Variants in DLGAP2 observed in about 807,000 individuals in gnomAD.
DLGAP2 encodes DLG associated protein 2.
A neutral mutation model predicts 100.3 loss-of-function variants in DLGAP2; 26 were observed. The ratio of observed to expected loss-of-function variants is 0.26; its 90% CI spans 0.19 to 0.36. DLGAP2 has a LOEUF of 0.36. Among genes scored for constraint, DLGAP2 ranks in the 10% least tolerant of loss-of-function variants. The pLI is 1.00. For synonymous variants in DLGAP2, 886 were observed against 630.1 expected (o/e 1.41, Z -6.08); for missense variants, 1,858 against 1,453.2 (o/e 1.28, Z -4.53).
chr8:1,495,971 A>G (rs73538535), intron 3 of DLGAP2, among the ~76,000 whole-genome samples: 7,023 of 152,150 alleles, frequency 0.046, 522 homozygotes, highest in African/African-American at 0.16. Flanking sequence ...TGGATGAAAC[A>G]AGACTGTGAG....
intron 11 of DLGAP2, among the ~76,000 whole-genome samples, chr8:1,676,892 T>G (rs183216742): frequency 1.6e-4 from 25 of 152,194 alleles, no homozygotes; most frequent in African/African-American, 6.0e-4. Context: ...GAGTCCTTGA[T>G]CCAAAGGAAA....
In DLGAP2 at chr8:1,702,132, C is replaced by T. The variant is rs930486377; in HGVS notation, c.*726C>T. The T allele has an allele frequency of 1.3e-5, 2 of 152,158 alleles. No individual in the cohort carries two copies. Among genetic ancestry groups the T allele is most frequent in the African/African-American group, 2.4e-5 (1 of 41,430 alleles). The allele number at this position is 152,158 out of a possible 1,614,324, so 9.4% of individuals were successfully genotyped here. A position where few individuals can be genotyped will look rare whatever the true frequency, so the allele number is the denominator to read the frequency against. On this transcript the variant is annotated 3_prime_UTR_variant, in exon 15 of 15. Coordinates refer to ENST00000637795, the MANE Select transcript of DLGAP2 (RefSeq NM_001346810.2). Reference sequence around the variant, plus strand: ...TCAAAAGATAAGCTGAGTGTTCCCACCAGGAAGTCACGCGCAGAGAGGAGA... The same window carrying T: ...TCAAAAGATAAGCTGAGTGTTCCCATCAGGAAGTCACGCGCAGAGAGGAGA...
At chr8:1,418,264 T>C (rs1383739112) in intron 3 of DLGAP2, among the ~76,000 whole-genome samples, 5 of 152,234 alleles carry the variant, frequency 3.3e-5, no homozygotes, top group Non-Finnish European at 1.5e-5. Flanking sequence ...GTGTAATAAC[T>C]AAGTCATTTA....
intron 3 of DLGAP2, among the ~76,000 whole-genome samples, chr8:1,262,848 C>A (rs1020753960): frequency 6.6e-6 from 1 of 152,130 alleles, no homozygotes; most frequent in Non-Finnish European, 1.5e-5. Context: ...AACTAGAACA[C>A]AGGAAAATTT....
At chr8:1,008,178 C>T (rs73176526) in intron 2 of DLGAP2, among the ~76,000 whole-genome samples, 6,712 of 152,286 alleles carry the variant, frequency 0.044, 189 homozygotes, top group Middle Eastern at 0.071. Flanking sequence ...CTAGTTGAAA[C>T]ATTCAAGGTC....
Position 972,615 on chromosome 8 carries a change from T to TCTTTTTTTTTTC in DLGAP2, c.73+64652_73+64653insTTTTTTTTCCTT, listed in dbSNP as rs1163848893. Among the ~76,000 whole-genome samples, 23 of 149,756 alleles carry TCTTTTTTTTTTC rather than the reference T, an allele frequency of 1.5e-4. 2 individuals carry two copies. The South Asian group carries it at 4.3e-3, about 28-fold the overall frequency. Reference sequence around the variant, plus strand: ...GAAAATATTTTTTTTTGTATTTTTTTCTTATTTATTTATTTATTTATTTAT... The same window carrying TCTTTTTTTTTTC: ...GAAAATATTTTTTTTTGTATTTTTTTCTTTTTTTTTTCCTTATTTATTTATTTATTTATTTAT... On this transcript the variant is annotated intron_variant, in intron 2 of 14. Coordinates refer to ENST00000637795, the MANE Select transcript of DLGAP2 (RefSeq NM_001346810.2).
chr8:1,518,864 T>A (rs772078281), intron 4 of DLGAP2, among the ~76,000 whole-genome samples: 53 of 152,366 alleles, frequency 3.5e-4, no homozygotes, highest in Non-Finnish European at 6.5e-4. Flanking sequence ...CAGTGGATAC[T>A]GAGCGGCATC....
intron 3 of DLGAP2, among the ~76,000 whole-genome samples, chr8:1,430,033 C>A (rs867435021): frequency 4.0e-5 from 1 of 24,796 alleles, no homozygotes; most frequent in African/African-American, 9.3e-5. Context: ...TATATACACA[C>A]ACACACATAT....
intron 6 of DLGAP2, among the ~76,000 whole-genome samples, chr8:1,593,417 T>C (rs1024435528): frequency 1.3e-5 from 2 of 151,950 alleles, no homozygotes; most frequent in African/African-American, 4.8e-5. Flanking sequence ...ATCGCGCCAC[T>C]GCACTCCAGC....
At chr8:830,094 A>G (rs148695168) in intron 1 of DLGAP2, among the ~76,000 whole-genome samples, 144 of 152,346 alleles carry the variant, frequency 9.5e-4, no homozygotes, top group Admixed American at 5.0e-3. Flanking sequence ...GTTCTAGGCA[A>G]ATGTACCTAT....
chr8:1,009,115 C>G (rs1801205857), intron 2 of DLGAP2, among the ~76,000 whole-genome samples: 1 of 152,228 alleles, frequency 6.6e-6, no homozygotes, highest in Non-Finnish European at 1.5e-5. Flanking sequence ...GACCCTCTTC[C>G]ATGTGGCCGA....
chr8:1,517,163 G>A (rs934081021), intron 4 of DLGAP2, among the ~76,000 whole-genome samples: 13 of 152,144 alleles, frequency 8.5e-5, no homozygotes, highest in Admixed American at 3.9e-4. Context: ...GGTGGAGGGC[G>A]AGTCCTGGAC....
intron 2 of DLGAP2, among the ~76,000 whole-genome samples, chr8:1,191,858 G>A (rs1797647348): frequency 6.6e-6 from 1 of 152,180 alleles, no homozygotes; most frequent in Non-Finnish European, 1.5e-5. Context: ...TCACATTACA[G>A]TCAATAGGAA....
chr8:1,003,987 C>G (rs1460097186), intron 2 of DLGAP2, among the ~76,000 whole-genome samples: 1 of 152,154 alleles, frequency 6.6e-6, no homozygotes. Context: ...ATATTTATTT[C>G]AATTCTTTTT....
chr8:1,244,037 C>A (rs1481899563), intron 2 of DLGAP2, among the ~76,000 whole-genome samples: 2 of 152,022 alleles, frequency 1.3e-5, no homozygotes, highest in African/African-American at 4.8e-5. Context: ...TGGTGAGTGC[C>A]AGCTCCCAGC....
At chr8:969,394 T>A (rs1213336583) in intron 2 of DLGAP2, among the ~76,000 whole-genome samples, 6 of 152,132 alleles carry the variant, frequency 3.9e-5, no homozygotes, top group Non-Finnish European at 7.4e-5. Flanking sequence ...TCTCTACACG[T>A]GCACAGCCTA....
At chr8:1,423,278 GA>G (rs1797149501) in intron 3 of DLGAP2, among the ~76,000 whole-genome samples, 1 of 151,978 alleles carries the variant, frequency 6.6e-6, no homozygotes, top group African/African-American at 2.4e-5. Context: ...ATCACTCCCT[GA>G]CCCCAGGCCT....
At chr8:1,346,483 C>A (rs1801559354) in intron 3 of DLGAP2, among the ~76,000 whole-genome samples, 1 of 150,730 alleles carries the variant, frequency 6.6e-6, no homozygotes, top group Non-Finnish European at 1.5e-5. Context: ...TGTTCCCATA[C>A]ACATCTGCAT....
chr8:1,000,358 C>G (rs1424782675), intron 2 of DLGAP2, among the ~76,000 whole-genome samples: 1 of 146,354 alleles, frequency 6.8e-6, no homozygotes, highest in South Asian at 2.2e-4. Context: ...TTCTTTCGCA[C>G]TGGATTTTCT....
Sources: allele counts gnomAD v4.1 joint callset (sites outside exome capture counted in the v4.1 genomes callset), GRCh38; gene constraint gnomAD v4.1.1; transcripts MANE v1.5; gene names NCBI Gene and HGNC (gene_info 2026-07-23, HGNC 2026-07-21).